The following COL7A1 variants were observed in gnomAD, a reference collection of about 807,000 sequenced individuals.
The protein encoded by COL7A1 is collagen type VII alpha 1 chain, also known as collagen alpha-1(VII) chain.
COL7A1 carries 296 observed loss-of-function variants against 456.2 expected under a neutral mutation model. The observed-to-expected ratio is 0.65, with a 90% CI of 0.59 to 0.71. The LOEUF is 0.71. Among genes scored for constraint, COL7A1 ranks in the 30% least tolerant of loss-of-function variants. The pLI is 0.00. For synonymous variants in COL7A1, 1,464 were observed against 1,525.9 expected (o/e 0.96, Z 0.95); for missense variants, 3,441 against 4,017.2 (o/e 0.86, Z 3.88).
rs530633100 is a variant in COL7A1, at chr3:48,591,268, G to A, written c.1636+196C>T. On this transcript the variant is annotated intron_variant, in intron 13 of 118. Coordinates refer to ENST00000681320, the MANE Select transcript of COL7A1 (RefSeq NM_000094.4). The surrounding 1 kb of genome is among the most constrained non-coding windows in gnomAD (Gnocchi z 7.0). ...GGGGTGTGGGGCAGGGAGGAGATTG[G>A]TTGGGGTAGGGTAGGGGCAGACACA... 6.6e-5 allele frequency among the ~76,000 whole-genome samples: 10 copies of A among 152,232 alleles called. No homozygotes were observed. The highest frequency in any genetic ancestry group is 6.5e-4 in the Admixed American group (10 of 15,300).
rs754105784 is a variant in COL7A1, at chr3:48,589,013, G to A, written c.2315-18C>T. The A allele has an allele frequency of 1.2e-6, 2 of 1,613,244 alleles. No homozygotes were observed. The highest frequency in any genetic ancestry group is 1.7e-6 in the Non-Finnish European group (2 of 1,180,032). Reference sequence around the variant, plus strand: ...CTCAGGGGCTGGGGACAGAGGCAAGGTAAGGGGTCCTGGTAGAGAACAGAG... The same window carrying A: ...CTCAGGGGCTGGGGACAGAGGCAAGATAAGGGGTCCTGGTAGAGAACAGAG... On this transcript the variant is annotated intron_variant, in intron 18 of 118. Transcript: ENST00000681320.
chr3:48,574,251 C>T lies in COL7A1; in HGVS notation c.6501+11G>A, dbSNP rs1380867105. The T allele has an allele frequency of 1.2e-6, 2 of 1,613,814 alleles. No homozygotes were observed. The highest frequency in any genetic ancestry group is 1.1e-5 in the South Asian group (1 of 91,064). ...CGGAGCCTGGGGCCAGGTGCTTCAG[C>T]CACCACTCACCGGCTTCCCTTCAGG... On this transcript the variant is annotated intron_variant, in intron 80 of 118. Coordinates refer to ENST00000681320, the MANE Select transcript of COL7A1 (RefSeq NM_000094.4). This position sits in a 1 kb window ranked among gnomAD's most constrained non-coding sequence, Gnocchi z 5.0.
At position 48,572,640 on chromosome 3, in the gene COL7A1, G is replaced by T; in HGVS notation, c.6900+31C>A. 6.2e-7 allele frequency: 1 copy of T among 1,603,018 alleles called. No homozygotes were observed. The highest frequency in any genetic ancestry group is 2.3e-5 in the East Asian group (1 of 44,312). ...TTGTGGGTGAGGCAGAGGAGTTGCTGCAGGGGGTGGAAGTCAGGGTCAAAG... is the reference window on the plus strand; with the variant it reads ...TTGTGGGTGAGGCAGAGGAGTTGCTTCAGGGGGTGGAAGTCAGGGTCAAAG... On this transcript the variant is annotated intron_variant, in intron 88 of 118. Coordinates refer to ENST00000681320, the MANE Select transcript of COL7A1 (RefSeq NM_000094.4). The surrounding 1 kb of genome is among the most constrained non-coding windows in gnomAD (Gnocchi z 4.6).
Position 48,566,625 on chromosome 3 carries a change from C to T in COL7A1, c.8304+35G>A, listed in dbSNP as rs368174130. 1.9e-5 allele frequency: 30 copies of T among 1,614,170 alleles called. 1 individual carries two copies. The highest frequency in any genetic ancestry group is 1.5e-4 in the African/African-American group (11 of 75,036). ...ACCTCAGGGACAACAGAAGTCACCC[C>T]GATCTCTGACCCAAGCCTTGGAATC... On this transcript the variant is annotated intron_variant, in intron 112 of 118. Coordinates refer to ENST00000681320, the MANE Select transcript of COL7A1 (RefSeq NM_000094.4). This position sits in a 1 kb window ranked among gnomAD's most constrained non-coding sequence, Gnocchi z 5.9.
rs1488989752 is a variant in COL7A1, at chr3:48,578,171, A to T, written c.5532+150T>A. On this transcript the variant is annotated intron_variant, in intron 65 of 118. Transcript: ENST00000681320. The surrounding 1 kb of genome is among the most constrained non-coding windows in gnomAD (Gnocchi z 4.7). The stretch of plus-strand genomic sequence containing the variant: ...AAGAGCGAAACTCCATCTCAAAAAA[A>T]AAAAAACTATGTTTCTGGATGCATC... 1.6e-5 allele frequency: 15 copies of T among 962,058 alleles called. No individual in the cohort carries two copies. The Admixed American group carries it at 3.5e-4, about 23-fold the overall frequency. The allele number at this position is 962,058 out of a possible 1,614,324, so 59.6% of individuals were successfully genotyped here.
At chr3:48,576,199 CCAATGGG>C (rs781460249) in intron 71 of COL7A1, 43 bp downstream of exon 71, 2 of 1,611,678 alleles carry the variant, frequency 1.2e-6, no homozygotes, top group East Asian at 4.5e-5. Context: ...CAAGGTGGCC[CCAATGGG>C]CATGCAAAAC....
In COL7A1 at chr3:48,569,604, G is replaced by A. The variant is rs1233844197; in HGVS notation, c.7602C>T (p.Ala2534=). The stretch of plus-strand genomic sequence containing the variant: ...TGGGCCCACTCACCATGTCCCCCTT[G>A]GCACCCCGTGGGCCTGGAGGCCCCA... The part of the protein sequence containing the change: ...VILGPPGPRG[A]KGDMGERGPR... Residue 2534 remains alanine, a synonymous_variant, in exon 102 of 119, where the codon GCC becomes GCT. Coordinates refer to ENST00000681320, the MANE Select transcript of COL7A1 (RefSeq NM_000094.4). This position sits in a 1 kb window ranked among gnomAD's most constrained non-coding sequence, Gnocchi z 4.9. The A allele has an allele frequency of 1.2e-6, 2 of 1,613,632 alleles. No homozygotes were observed. The highest frequency in any genetic ancestry group is 1.7e-6 in the Non-Finnish European group (2 of 1,179,852).
At position 48,575,961 on chromosome 3, in the gene COL7A1, C is replaced by T. The variant is rs1275399129; in HGVS notation, c.5821-59G>A. On this transcript the variant is annotated intron_variant, in intron 71 of 118. Transcript: ENST00000681320. The surrounding 1 kb of genome is among the most constrained non-coding windows in gnomAD (Gnocchi z 6.3). ...GACAGAGAAGCTCCTGCCTTCTGCC[C>T]CGCACGGCCTCAGGAAAGCACCTTC... 6.2e-7 allele frequency: 1 copy of T among 1,613,254 alleles called. No individual in the cohort carries two copies. The highest frequency in any genetic ancestry group is 8.5e-7 in the Non-Finnish European group (1 of 1,179,314).
chr3:48,588,701 C>A lies in COL7A1; in HGVS notation c.2528G>T (p.Arg843Leu), dbSNP rs747058637. The change falls in exon 20 of 119, where the codon CGA (arginine) becomes CTA (leucine). Residue 843 changes from arginine (R) to leucine (L), a missense_variant. Around this residue, in one of 3 missense-constraint regions of COL7A1, gnomAD observed 444 missense variants for 427.6 expected, o/e 1.04. Transcript: ENST00000681320. This position sits in a 1 kb window ranked among gnomAD's most constrained non-coding sequence, Gnocchi z 4.6. The stretch of plus-strand genomic sequence containing the variant: ...GCGGTCCCCGACAAGTGCAGTCACT[C>A]GCACTGAGTAGCTGACTCCACCTTC... ...GLEGGVSYSV[R>L]VTALVGDREG... 1.2e-6 allele frequency: 2 copies of A among 1,613,900 alleles called. No homozygotes were observed. The highest frequency in any genetic ancestry group is 1.7e-6 in the Non-Finnish European group (2 of 1,180,042).
Position 48,574,193 on chromosome 3 carries a change from A to G in COL7A1, c.6501+69T>C, listed in dbSNP as rs2044126892. On this transcript the variant is annotated intron_variant, in intron 80 of 118. Transcript: ENST00000681320. This position sits in a 1 kb window ranked among gnomAD's most constrained non-coding sequence, Gnocchi z 5.0. ...CAAACACACACACACAGACATGCAC[A>G]CACACAGCAGCAGCAGCACCTAGCG... 4 of 1,581,290 alleles carry G rather than the reference A, an allele frequency of 2.5e-6. No individual in the cohort carries two copies. The highest frequency in any genetic ancestry group is 3.5e-6 in the Non-Finnish European group (4 of 1,152,234).
Position 48,586,321 on chromosome 3 carries a change from C to G in COL7A1, c.3550+11G>C. 1 of 1,613,872 alleles carries G rather than the reference C, an allele frequency of 6.2e-7. No homozygotes were observed. Among genetic ancestry groups the G allele is most frequent in the Non-Finnish European group, 8.5e-7 (1 of 1,179,964 alleles). On this transcript the variant is annotated intron_variant, in intron 27 of 118. Coordinates refer to ENST00000681320, the MANE Select transcript of COL7A1 (RefSeq NM_000094.4). The surrounding 1 kb of genome is among the most constrained non-coding windows in gnomAD (Gnocchi z 5.1). ...ATTCCCAGACCCCTTCCCCATCAGC[C>G]TACTCCTTACCAGAAGCCTGGGCCT...
At chr3:48,589,820 G>C (rs1450717247) in intron 16 of COL7A1, 102 bp from the exon 17 acceptor site, 4 of 1,540,686 alleles carry the variant, frequency 2.6e-6, no homozygotes, top group Non-Finnish European at 3.6e-6. Flanking sequence ...ACGGGAATTT[G>C]ATAGAGGAGA....
intron 34 of COL7A1, 65 bp from the exon 35 acceptor site, chr3:48,584,834 C>A: frequency 6.2e-7 from 1 of 1,613,808 alleles, no homozygotes; most frequent in Non-Finnish European, 8.5e-7. Flanking sequence ...GGGCACTGCA[C>A]CACCACCCCA....
Position 48,570,109 on chromosome 3 carries a change from T to C in COL7A1, c.7485+25A>G, listed in dbSNP as rs2043813731. 1 of 1,613,870 alleles carries C rather than the reference T, an allele frequency of 6.2e-7. No individual in the cohort carries two copies. The highest frequency in any genetic ancestry group is 8.5e-7 in the Non-Finnish European group (1 of 1,179,944). On this transcript the variant is annotated intron_variant, in intron 99 of 118. Coordinates refer to ENST00000681320, the MANE Select transcript of COL7A1 (RefSeq NM_000094.4). The surrounding 1 kb of genome is among the most constrained non-coding windows in gnomAD (Gnocchi z 5.5). ...AGGCAGGGGACTGAAGTCACAGCAC[T>C]GTCACTTTCCCCAGCGGGACCCACC... is the stretch of plus-strand genomic sequence containing the variant.
rs764505018 is a variant in COL7A1 at position 48,590,244 on chromosome 3, C to T, written c.2019G>A (p.Glu673=). Residue 673 remains glutamate, a synonymous_variant, in exon 16 of 119, where the codon GAG becomes GAA. Transcript: ENST00000681320. The surrounding 1 kb of genome is among the most constrained non-coding windows in gnomAD (Gnocchi z 4.6). ...VAVSVLRGRE[E]GPAAVIVART... is the part of the protein sequence containing the mutation. ...GAGCCACGATGACTGCAGCAGGGCC[C>T]TCCTCTCTGCCTCGCAGTACCGACA... 3 of 1,613,766 alleles carry T rather than the reference C, an allele frequency of 1.9e-6. No individual in the cohort carries two copies. The highest frequency in any genetic ancestry group is 2.2e-5 in the South Asian group (2 of 91,064).
chr3:48,586,490 G>A lies in COL7A1; in HGVS notation c.3404-12C>T, dbSNP rs1351343930. 2 of 1,613,776 alleles carry A rather than the reference G, an allele frequency of 1.2e-6. No homozygotes were observed. Among genetic ancestry groups the A allele is most frequent in the Admixed American group, 3.3e-5 (2 of 60,026 alleles). Reference sequence around the variant, plus strand: ...GACCACGGCTGTGCCTGGAAGGAAGGACATGTCAGAACCCTGGGGCACCAA... The same window carrying A: ...GACCACGGCTGTGCCTGGAAGGAAGAACATGTCAGAACCCTGGGGCACCAA... On this transcript the variant is annotated splice_polypyrimidine_tract_variant and intron_variant, in intron 26 of 118. Coordinates refer to ENST00000681320, the MANE Select transcript of COL7A1 (RefSeq NM_000094.4). This position sits in a 1 kb window ranked among gnomAD's most constrained non-coding sequence, Gnocchi z 5.1.
Position 48,564,977 on chromosome 3 carries a change from G to A in COL7A1, c.8624C>T (p.Pro2875Leu), listed in dbSNP as rs921039191. 6 of 1,614,208 alleles carry A rather than the reference G, an allele frequency of 3.7e-6. No individual in the cohort carries two copies. The highest frequency in any genetic ancestry group is 5.1e-6 in the Non-Finnish European group (6 of 1,180,030). ...GCCCTCATCCAGTGGCAGGGAACAG[G>A]GGTCTGGGCCAATGGGGTCAAGTCA... ...DPEAPWDSDDPCSLPLDEGSC... is the reference protein window; with the variant it reads ...DPEAPWDSDDLCSLPLDEGSC... The change falls in exon 118 of 119, where the codon CCC becomes CTC. Residue 2875 changes from proline to leucine, a missense_variant. Coordinates refer to ENST00000681320, the MANE Select transcript of COL7A1 (RefSeq NM_000094.4). The surrounding 1 kb of genome is among the most constrained non-coding windows in gnomAD (Gnocchi z 6.0).
In COL7A1 at chr3:48,576,742, T is replaced by G. The variant is rs2107682526; in HGVS notation, c.5634A>C (p.Gly1878=). 2 of 1,612,434 alleles carry G rather than the reference T, an allele frequency of 1.2e-6. No homozygotes were observed. The highest frequency in any genetic ancestry group is 1.7e-6 in the Non-Finnish European group (2 of 1,179,488). Residue 1878 remains glycine (G), a synonymous_variant, in exon 68 of 119, where the codon GGA becomes GGC. Coordinates refer to ENST00000681320, the MANE Select transcript of COL7A1 (RefSeq NM_000094.4). ...CCTGGGGTCCAAGGATACCAGGAGCTCCACGCTCACCCTTGGGGCCATCAC... is the reference window on the plus strand; with the variant it reads ...CCTGGGGTCCAAGGATACCAGGAGCGCCACGCTCACCCTTGGGGCCATCAC... ...EGRDGPKGER[G]APGILGPQGP... is the part of the protein sequence containing the mutation.
chr3:48,570,699 GC>G lies in COL7A1; in HGVS notation c.7283del (p.Gly2428AlafsTer38). The G allele has an allele frequency of 6.3e-7, 1 of 1,578,716 alleles. No homozygotes were observed. Among genetic ancestry groups the G allele is most frequent in the East Asian group, 2.3e-5 (1 of 43,110 alleles). On this transcript the variant is annotated frameshift_variant, in exon 96 of 119. Transcript: ENST00000681320. LOFTEE classifies it high-confidence loss of function. This position sits in a 1 kb window ranked among gnomAD's most constrained non-coding sequence, Gnocchi z 5.5. The stretch of plus-strand genomic sequence containing the variant: ...CTGGGATTCCTTCTCTCCCTGGGGG[GC>G]CTGCCAGACCCTACCAGAAAAATGG... ...PGPSGERGLA[G>X]PPGREGIPGP...
Sources: gnomAD v4.1 joint callset for allele counts (sites outside exome capture counted in the v4.1 genomes callset) on GRCh38, gnomAD v4.1.1 for gene constraint, gnomAD v4.1.1 regional missense constraint, Gnocchi (gnomAD v3.1) non-coding constraint, MANE v1.5 for transcripts, NCBI Gene and HGNC (gene_info 2026-07-23, HGNC 2026-07-21) for gene names.